The following GTF2H1 variants were observed in gnomAD, a reference collection of about 807,000 sequenced individuals.
GTF2H1 encodes the protein BTF2 p62.
A neutral mutation model predicts 71.2 loss-of-function variants in GTF2H1; 16 were observed. That is an observed-to-expected ratio of 0.22 (90% CI 0.15 to 0.34). The LOEUF (loss-of-function observed/expected upper bound fraction) is 0.34. Ranked by LOEUF, GTF2H1 falls within the 10% of genes least tolerant of loss-of-function variation. The probability of loss-of-function intolerance (pLI) is 1.00; values close to 1 mark genes in which losing one functional copy is unlikely to be tolerated. For missense variants in GTF2H1, 498 were observed against 648.2 expected (o/e 0.77, Z 2.52); for synonymous variants, 215 against 219.0 (o/e 0.98, Z 0.16).
chr11:18,356,488 A>C (rs1346299403), intron 11 of GTF2H1, among the ~76,000 whole-genome samples: 1 of 151,986 alleles, frequency 6.6e-6, no homozygotes, highest in Non-Finnish European at 1.5e-5. Flanking sequence ...CACATAACCA[A>C]CCTGGGATTA....
At chr11:18,344,376 T>G (rs1299117641) in intron 7 of GTF2H1, among the ~76,000 whole-genome samples, 1 of 152,116 alleles carries the variant, frequency 6.6e-6, no homozygotes, top group Non-Finnish European at 1.5e-5. Context: ...TCGAGCACTT[T>G]GGGACGCCAA....
intron 1 of GTF2H1, among the ~76,000 whole-genome samples, chr11:18,330,155 TA>T (rs1864861585): frequency 6.6e-6 from 1 of 152,228 alleles, no homozygotes; most frequent in Non-Finnish European, 1.5e-5. Context: ...CTTAGTTTTT[TA>T]AAATGGCTTT....
chr11:18,366,113 A>G lies in GTF2H1; in HGVS notation c.*244A>G. On this transcript the variant is annotated 3_prime_UTR_variant, in exon 15 of 15. Transcript: ENST00000265963. ...AATGAGCTAAGTTGCAAATATATAT[A>G]TATACACACACACACATATATGTAC... is the stretch of plus-strand genomic sequence containing the variant. The G allele has an allele frequency of 1.9e-6, 1 of 534,076 alleles. No individual in the cohort carries two copies. Among genetic ancestry groups the G allele is most frequent in the South Asian group, 2.5e-5 (1 of 39,274 alleles). 33.1% of individuals were successfully genotyped at this position (534,076 alleles called of 1,614,324 possible). A position where few individuals can be genotyped will look rare whatever the true frequency, so the allele number is the denominator to read the frequency against.
intron 12 of GTF2H1, 34 bp from the exon 13 acceptor site, chr11:18,358,491 C>A: frequency 8.3e-7 from 1 of 1,211,110 alleles, no homozygotes; most frequent in Non-Finnish European, 1.2e-6. Context: ...GTTAAAATAG[C>A]TCTTAACCTA....
chr11:18,345,527 C>T (rs1478154032), intron 7 of GTF2H1, among the ~76,000 whole-genome samples: 15 of 142,516 alleles, frequency 1.1e-4, no homozygotes, highest in Admixed American at 1.0e-3. Context: ...GAGATGGAGT[C>T]GTGCCCTTTT....
In GTF2H1 at chr11:18,366,065, G is replaced by A; in HGVS notation, c.*196G>A. 1.7e-6 allele frequency: 1 copy of A among 578,084 alleles called. No homozygotes were observed. The allele number at this position is 578,084 out of a possible 1,614,324, so 35.8% of individuals were successfully genotyped here. On this transcript the variant is annotated 3_prime_UTR_variant, in exon 15 of 15. Coordinates refer to ENST00000265963, the MANE Select transcript of GTF2H1 (RefSeq NM_005316.4). ...AAGGAAAGAAGGGACTAAATGCTGGGGAGGTAAATTAAGACAGAACCAAAT... is the reference window on the plus strand; with the variant it reads ...AAGGAAAGAAGGGACTAAATGCTGGAGAGGTAAATTAAGACAGAACCAAAT...
In GTF2H1 at chr11:18,345,974, T is replaced by C. The variant is rs563731495; in HGVS notation, c.838-1614T>C. 5.6e-4 allele frequency among the ~76,000 whole-genome samples: 85 copies of C among 151,696 alleles called. 1 individual carries two copies. The highest frequency in any genetic ancestry group is 1.8e-3 in the African/African-American group (74 of 41,332). On this transcript the variant is annotated intron_variant, in intron 7 of 14. Coordinates refer to ENST00000265963, the MANE Select transcript of GTF2H1 (RefSeq NM_005316.4). ...CCCGGCTAATTTTTTGTATTTTTAG[T>C]ACGGAAAGGATTTCACCGTGTTAGC...
intron 14 of GTF2H1, among the ~76,000 whole-genome samples, chr11:18,364,073 CA>C (rs1232983053): frequency 4.9e-5 from 7 of 143,198 alleles, no homozygotes; most frequent in Non-Finnish European, 9.2e-5. Flanking sequence ...AACTCCATCT[CA>C]AAAAAAAAAG....
At chr11:18,360,894 C>T in intron 14 of GTF2H1, 187 bp downstream of exon 14, 1 of 462,974 alleles carries the variant, frequency 2.2e-6, no homozygotes, top group Non-Finnish European at 3.8e-6. Context: ...CAACCTCTAC[C>T]TCCTGGGTTC....
At chr11:18,359,967 T>C (rs953226708) in intron 13 of GTF2H1, among the ~76,000 whole-genome samples, 1 of 151,660 alleles carries the variant, frequency 6.6e-6, no homozygotes, top group South Asian at 2.1e-4. Flanking sequence ...ACAAAAATTA[T>C]GAAAAGTAGC....
intron 14 of GTF2H1, 133 bp downstream of exon 14, chr11:18,360,840 C>G (rs1430035153): frequency 5.3e-6 from 3 of 569,944 alleles, no homozygotes; most frequent in Non-Finnish European, 9.1e-6. Context: ...GAGTCTCACT[C>G]TGTCGCCCAG....
chr11:18,332,487 C>T lies in GTF2H1; in HGVS notation c.-15-573C>T, dbSNP rs1022757742. 7.2e-5 allele frequency among the ~76,000 whole-genome samples: 11 copies of T among 152,116 alleles called. No homozygotes were observed. In the East Asian group the frequency reaches 7.7e-4, roughly 11 times the overall value. Reference sequence around the variant, plus strand: ...TTATACCAATGAATCATGGCCAAGACGTGGAGAGCAGTTGAAGACATTTGA... The same window carrying T: ...TTATACCAATGAATCATGGCCAAGATGTGGAGAGCAGTTGAAGACATTTGA... On this transcript the variant is annotated intron_variant, in intron 1 of 14. Transcript: ENST00000265963.
chr11:18,341,713 C>G (rs1411479240), intron 7 of GTF2H1, 106 bp downstream of exon 7: 2 of 664,870 alleles, frequency 3.0e-6, no homozygotes, highest in African/African-American at 3.7e-5. Context: ...GTCAAATAAG[C>G]AAAATACTGT....
intron 1 of GTF2H1, among the ~76,000 whole-genome samples, chr11:18,331,662 G>A (rs1454315970): frequency 2.0e-5 from 3 of 150,110 alleles, no homozygotes; most frequent in South Asian, 2.1e-4. Flanking sequence ...GTGAAACTCC[G>A]TCTCAAAAAA....
chr11:18,335,611 T>C, intron 2 of GTF2H1, 143 bp from the exon 3 acceptor site: 1 of 605,502 alleles, frequency 1.7e-6, no homozygotes, highest in East Asian at 2.8e-5. Flanking sequence ...TTAAGAAGAG[T>C]GCATTCTACA....
At chr11:18,330,946 ATCAACT>A (rs1368790987) in intron 1 of GTF2H1, among the ~76,000 whole-genome samples, 4 of 152,356 alleles carry the variant, frequency 2.6e-5, no homozygotes, top group African/African-American at 7.2e-5. Context: ...ACTTGAGATA[ATCAACT>A]TCAGAGAAAG....
chr11:18,356,611 T>C (rs964143872), intron 11 of GTF2H1, among the ~76,000 whole-genome samples: 6 of 151,772 alleles, frequency 4.0e-5, no homozygotes, highest in Non-Finnish European at 7.4e-5. Context: ...GATTTAGAGG[T>C]GAGGTTTCTG....
rs746764619 is a variant in GTF2H1 at position 18,335,737 on chromosome 11, C to T, written c.155-17C>T. ...GTGTGAGTGTCATCATCTAACTGCC[C>T]TCATGCTTCTTTTTAGGCCAGAAAA... On this transcript the variant is annotated splice_polypyrimidine_tract_variant and intron_variant, in intron 2 of 14. Transcript: ENST00000265963. The T allele has an allele frequency of 5.0e-6, 8 of 1,601,964 alleles. No individual in the cohort carries two copies. Among genetic ancestry groups the T allele is most frequent in the Non-Finnish European group, 6.8e-6 (8 of 1,170,316 alleles).
At chr11:18,364,727 A>G (rs1309539319) in intron 14 of GTF2H1, among the ~76,000 whole-genome samples, 2 of 152,150 alleles carry the variant, frequency 1.3e-5, no homozygotes, top group Non-Finnish European at 2.9e-5. Context: ...AAGCATTGAA[A>G]CCATTTAGGT....
Sources: gnomAD v4.1 joint callset for allele counts (sites outside exome capture counted in the v4.1 genomes callset) on GRCh38, gnomAD v4.1.1 for gene constraint, MANE v1.5 for transcripts, NCBI Gene and HGNC (gene_info 2026-07-23, HGNC 2026-07-21) for gene names.